Variants in TANC2 observed in about 807,000 individuals in gnomAD.
TANC2 encodes the protein protein TANC2.
TANC2 carries 26 observed loss-of-function variants against 210.5 expected under a neutral mutation model. The observed-to-expected ratio is 0.12, with a 90% CI of 0.09 to 0.17. TANC2 has a LOEUF of 0.17. Among genes scored for constraint, TANC2 ranks in the 10% least tolerant of loss-of-function variants. The pLI is 1.00. For missense variants in TANC2, 2,129 were observed against 2,608.9 expected, an observed-to-expected ratio of 0.82 and a Z score of 4.01; for synonymous variants, 931 against 967.1, an observed-to-expected ratio of 0.96 and a Z score of 0.69.
chr17:63,385,501 C>G (rs1286010096), intron 15 of TANC2, among the ~76,000 whole-genome samples: 1 of 152,152 alleles, frequency 6.6e-6, no homozygotes, highest in African/African-American at 2.4e-5. Context: ...ATTTCATATG[C>G]CAAAATAACA....
chr17:63,245,711 AGGG>A (rs2042896896), intron 8 of TANC2, among the ~76,000 whole-genome samples: 2 of 151,910 alleles, frequency 1.3e-5, no homozygotes. Flanking sequence ...GCGTGGTGGC[AGGG>A]GCCTGTAATC....
chr17:63,281,087 C>T (rs1183085602), intron 9 of TANC2, among the ~76,000 whole-genome samples: 1 of 152,018 alleles, frequency 6.6e-6, no homozygotes, highest in Non-Finnish European at 1.5e-5. Context: ...CAAAAAATAA[C>T]TATTTGAAGG....
At chr17:63,246,243 C>CTTT (rs141334352) in intron 8 of TANC2, among the ~76,000 whole-genome samples, 76 of 148,184 alleles carry the variant, frequency 5.1e-4, no homozygotes, top group Admixed American at 2.0e-3. Flanking sequence ...CTGGCCAGAA[C>CTTT]TTTTTTTTTT....
chr17:63,366,048 G>A (rs749570518), intron 14 of TANC2, among the ~76,000 whole-genome samples: 15 of 151,892 alleles, frequency 9.9e-5, no homozygotes, highest in Non-Finnish European at 2.1e-4. Flanking sequence ...CACAGTAAGC[G>A]CACGGTAAAT....
chr17:63,109,853 C>T (rs2037967029), intron 4 of TANC2, among the ~76,000 whole-genome samples: 2 of 151,632 alleles, frequency 1.3e-5, no homozygotes. Context: ...TGCTCCTACC[C>T]ATTAGTCCTA....
rs116120816 is a variant in TANC2, at chr17:63,232,968, A to G, written c.770-4846A>G. 4.3e-3 allele frequency among the ~76,000 whole-genome samples: 659 copies of G among 152,316 alleles called. 6 individuals carry two copies. The highest frequency in any genetic ancestry group is 0.014 in the African/African-American group (575 of 41,578). On this transcript the variant is annotated intron_variant, in intron 7 of 27. Coordinates refer to ENST00000689528, the Ensembl canonical transcript of TANC2. Reference sequence around the variant, plus strand: ...TCTGGCTGGAGTTACTGAAATTCCCACAGGGGAGCCCCAGCCAGTGAGGAG... The same window carrying G: ...TCTGGCTGGAGTTACTGAAATTCCCGCAGGGGAGCCCCAGCCAGTGAGGAG...
chr17:63,087,690 A>C (rs2037026117), intron 3 of TANC2, among the ~76,000 whole-genome samples: 1 of 152,144 alleles, frequency 6.6e-6, no homozygotes, highest in Non-Finnish European at 1.5e-5. Context: ...CTCACAAAAG[A>C]TTGGGGCCCC....
intron 11 of TANC2, among the ~76,000 whole-genome samples, chr17:63,323,126 A>G (rs138172663): frequency 6.6e-6 from 1 of 152,364 alleles, no homozygotes; most frequent in Admixed American, 6.5e-5. Flanking sequence ...CACCTATAGC[A>G]AACCAGTAAG....
intron 17 of TANC2, chr17:63,390,498 C>T (rs544403827): frequency 6.6e-6 from 1 of 152,120 alleles, no homozygotes; most frequent in Non-Finnish European, 1.5e-5. Flanking sequence ...TTACTATTTT[C>T]GTTTTCTTTT....
chr17:63,114,412 T>C (rs2038173692), intron 4 of TANC2, among the ~76,000 whole-genome samples: 1 of 152,196 alleles, frequency 6.6e-6, no homozygotes, highest in Admixed American at 6.5e-5. Context: ...CCAGATGAAG[T>C]AGTTGGCTGA....
At chr17:63,351,549 T>A in intron 13 of TANC2, 133 bp downstream of exon 13, 4 of 661,668 alleles carry the variant, frequency 6.0e-6, no homozygotes, top group Non-Finnish European at 9.0e-6. Context: ...CCCGAAGAAT[T>A]AATCTAATAT....
rs374621938 is a variant in TANC2 at position 63,350,876 on chromosome 17, G to GAA, written c.1808-357_1808-356dup. On this transcript the variant is annotated intron_variant, in intron 12 of 27. Coordinates refer to ENST00000689528, the Ensembl canonical transcript of TANC2. Reference sequence around the variant, plus strand: ...ATTCTCTTTAATGCTGTCAGATAGGGAAAAAAAAAAAAAAAAAACAGAACA... The same window carrying GAA: ...ATTCTCTTTAATGCTGTCAGATAGGGAAAAAAAAAAAAAAAAAAAACAGAACA... Among the ~76,000 whole-genome samples the GAA allele has an allele frequency of 3.0e-4, 37 of 121,358 alleles. No homozygotes were observed. The East Asian group carries it at 6.9e-3, about 23-fold the overall frequency. The allele number at this position is 121,358 out of a possible 152,430, so 79.6% of individuals were successfully genotyped here. A position where few individuals can be genotyped will look rare whatever the true frequency, so the allele number is the denominator to read the frequency against.
chr17:63,329,338 C>T (rs1158472476), intron 11 of TANC2, among the ~76,000 whole-genome samples: 1 of 151,922 alleles, frequency 6.6e-6, no homozygotes, highest in Non-Finnish European at 1.5e-5. Flanking sequence ...ACAGACAACT[C>T]ACAAAAAAGA....
intron 5 of TANC2, among the ~76,000 whole-genome samples, chr17:63,168,102 T>C (rs1300846374): frequency 6.6e-6 from 1 of 152,080 alleles, no homozygotes; most frequent in Non-Finnish European, 1.5e-5. Flanking sequence ...ATACGATGGC[T>C]CGTGCCTGTA....
intron 3 of TANC2, among the ~76,000 whole-genome samples, chr17:63,085,989 T>A (rs1255779232): frequency 1.3e-5 from 2 of 152,110 alleles, no homozygotes; most frequent in African/African-American, 2.4e-5. Context: ...TCTCCTTCAC[T>A]TTTGAAGGAT....
At chr17:63,177,766 G>A (rs897933951) in intron 5 of TANC2, among the ~76,000 whole-genome samples, 3 of 152,144 alleles carry the variant, frequency 2.0e-5, no homozygotes, top group East Asian at 1.9e-4. Flanking sequence ...GCTTCTCCTG[G>A]TGTATCACCA....
chr17:63,034,178 A>G (rs1460830487), intron 2 of TANC2, among the ~76,000 whole-genome samples: 3 of 152,186 alleles, frequency 2.0e-5, no homozygotes, highest in Non-Finnish European at 4.4e-5. Flanking sequence ...GCTTTGAAGG[A>G]CAGGCTGACT....
intron 9 of TANC2, among the ~76,000 whole-genome samples, chr17:63,276,495 T>C (rs1317911769): frequency 2.4e-5 from 3 of 125,100 alleles, no homozygotes; most frequent in Middle Eastern, 3.9e-3. Context: ...TTTCCCTTTC[T>C]TTTTTTTTTT....
intron 4 of TANC2, among the ~76,000 whole-genome samples, chr17:63,116,521 A>G (rs999927645): frequency 2.6e-5 from 4 of 152,234 alleles, no homozygotes; most frequent in African/African-American, 4.8e-5. Flanking sequence ...CTTACAAGTG[A>G]TTGACGGAGA....
Sources: allele counts gnomAD v4.1 joint callset (sites outside exome capture counted in the v4.1 genomes callset), GRCh38; gene constraint gnomAD v4.1.1; transcripts MANE v1.5; gene names NCBI Gene and HGNC (gene_info 2026-07-23, HGNC 2026-07-21).